The following SETBP1 variants were observed in gnomAD, a reference collection of about 807,000 sequenced individuals.
SETBP1 encodes the protein SET-binding protein.
A neutral mutation model predicts 101.0 loss-of-function variants in SETBP1; 9 were observed. That is an observed-to-expected ratio of 0.09 (90% CI 0.05 to 0.16). SETBP1 has a LOEUF of 0.16. SETBP1 is among the 10% of genes least tolerant of loss of function. The probability of loss-of-function intolerance (pLI) is 1.00; values close to 1 mark genes in which losing one functional copy is unlikely to be tolerated. For missense variants in SETBP1, 1,858 were observed against 2,033.8 expected, an observed-to-expected ratio of 0.91 and a Z score of 1.66; for synonymous variants, 818 against 788.5, an observed-to-expected ratio of 1.04 and a Z score of -0.63.
At chr18:44,973,111 C>G (rs1326816529) in intron 4 of SETBP1, among the ~76,000 whole-genome samples, 4 of 152,118 alleles carry the variant, frequency 2.6e-5, no homozygotes, top group African/African-American at 9.7e-5. Context: ...TGTCAAAGGC[C>G]TTTTCTGCAT....
At chr18:44,868,692 GA>G (rs201884719) in intron 2 of SETBP1, among the ~76,000 whole-genome samples, 1 of 109,346 alleles carries the variant, frequency 9.1e-6, no homozygotes, top group East Asian at 2.7e-4. Flanking sequence ...GAGAGAGAGA[GA>G]GAGAGGACGG....
Position 45,063,666 on chromosome 18 carries a change from T to G in SETBP1, c.4759T>G (p.Ser1587Ala), listed in dbSNP as rs1413109479. The G allele has an allele frequency of 4.4e-6, 7 of 1,607,888 alleles. No homozygotes were observed. The highest frequency in any genetic ancestry group is 5.9e-6 in the Non-Finnish European group (7 of 1,177,720). The change falls in exon 6 of 6, where the codon TCC becomes GCC. Residue 1587 changes from serine to alanine, a missense_variant. Ser to Ala is a moderately conservative substitution (Grantham distance 99, BLOSUM62 1). Around this residue, in one of 12 missense-constraint regions of SETBP1, gnomAD observed 178 missense variants for 189.1 expected, o/e 0.94. Transcript: ENST00000649279. ...GGTGAAAGCCAAAAGGCAGAGGAAGTCCCGAGGGAGTGAGAGCGAGGTCCT... is the reference window on the plus strand; with the variant it reads ...GGTGAAAGCCAAAAGGCAGAGGAAGGCCCGAGGGAGTGAGAGCGAGGTCCT... ...EEVKAKRQRK[S>A]RGSESEVLP
chr18:45,013,878 GT>G lies in SETBP1; in HGVS notation c.4001-24602del, dbSNP rs544419301. ...CACCCACCATGTTTCTTTCTGCTGT[GT>G]TTTTAAATTTACTTTCAGGAAAAGG... On this transcript the variant is annotated intron_variant, in intron 4 of 5. Coordinates refer to ENST00000649279, the MANE Select transcript of SETBP1 (RefSeq NM_015559.3). Among the ~76,000 whole-genome samples, 8 of 152,314 alleles carry G rather than the reference GT, an allele frequency of 5.3e-5. No individual in the cohort carries two copies. The South Asian group carries it at 1.7e-3, about 32-fold the overall frequency.
At chr18:44,744,318 C>A (rs950276414) in intron 2 of SETBP1, among the ~76,000 whole-genome samples, 1 of 152,224 alleles carries the variant, frequency 6.6e-6, no homozygotes, top group Non-Finnish European at 1.5e-5. Context: ...CTCCCCAGCT[C>A]CACCAGGCAA....
intron 4 of SETBP1, among the ~76,000 whole-genome samples, chr18:45,001,918 G>T (rs747455229): frequency 1.1e-4 from 17 of 152,158 alleles, no homozygotes; most frequent in Non-Finnish European, 2.2e-4. Flanking sequence ...TTATCCCACA[G>T]AGTGAGAGGG....
At chr18:45,062,947 A>G (rs1451056170) in intron 5 of SETBP1, 132 bp from the exon 6 acceptor site, 1 of 1,147,062 alleles carries the variant, frequency 8.7e-7, no homozygotes, top group African/African-American at 1.6e-5. Context: ...CATCTTGGGC[A>G]CGGAGACATA....
At chr18:45,048,781 G>C (rs2073663800) in intron 5 of SETBP1, among the ~76,000 whole-genome samples, 1 of 150,706 alleles carries the variant, frequency 6.6e-6, no homozygotes, top group South Asian at 2.1e-4. Context: ...GACCATCCTG[G>C]CTAACAAGGT....
At chr18:44,978,249 G>A (rs922665921) in intron 4 of SETBP1, among the ~76,000 whole-genome samples, 3 of 152,132 alleles carry the variant, frequency 2.0e-5, no homozygotes, top group Non-Finnish European at 4.4e-5. Flanking sequence ...CACAGGCCCC[G>A]ATTTCTAAGA....
At chr18:44,808,729 A>G (rs1033831129) in intron 2 of SETBP1, among the ~76,000 whole-genome samples, 1 of 152,192 alleles carries the variant, frequency 6.6e-6, no homozygotes, top group African/African-American at 2.4e-5. Flanking sequence ...GATCCAGGCT[A>G]ACATGATTCT....
chr18:44,920,849 G>T (rs528959078), intron 3 of SETBP1, among the ~76,000 whole-genome samples: 9 of 152,272 alleles, frequency 5.9e-5, no homozygotes, highest in African/African-American at 1.2e-4. Flanking sequence ...ACTGGCATCG[G>T]CATAGTCACC....
chr18:44,818,249 C>T (rs1186556663), intron 2 of SETBP1, among the ~76,000 whole-genome samples: 1 of 152,082 alleles, frequency 6.6e-6, no homozygotes, highest in East Asian at 1.9e-4. Flanking sequence ...TGTTTTTTCA[C>T]ATGCAGAAAG....
chr18:44,748,472 A>G (rs2070310413), intron 2 of SETBP1, among the ~76,000 whole-genome samples: 1 of 152,230 alleles, frequency 6.6e-6, no homozygotes, highest in African/African-American at 2.4e-5. Flanking sequence ...TATCAGCTTC[A>G]GTCTCACTGC....
At chr18:45,007,668 C>T (rs530690934) in intron 4 of SETBP1, among the ~76,000 whole-genome samples, 113 of 152,280 alleles carry the variant, frequency 7.4e-4, no homozygotes, top group Non-Finnish European at 1.4e-3. Flanking sequence ...TTAATTCGCA[C>T]ATTTAACCTG....
At chr18:44,798,364 A>T (rs2071527292) in intron 2 of SETBP1, among the ~76,000 whole-genome samples, 1 of 151,986 alleles carries the variant, frequency 6.6e-6, no homozygotes, top group African/African-American at 2.4e-5. Context: ...CAGAGAAGGA[A>T]GGTGGCTCCC....
At chr18:45,016,067 C>A (rs1206488129) in intron 4 of SETBP1, among the ~76,000 whole-genome samples, 2 of 152,158 alleles carry the variant, frequency 1.3e-5, no homozygotes, top group African/African-American at 4.8e-5. Flanking sequence ...AGAAAACAAA[C>A]AACAAAAGAA....
At position 44,705,690 on chromosome 18, in the gene SETBP1, A is replaced by AT. The variant is rs1157790879; in HGVS notation, c.486+3859dup. On this transcript the variant is annotated intron_variant, in intron 2 of 5. Coordinates refer to ENST00000649279, the MANE Select transcript of SETBP1 (RefSeq NM_015559.3). ...GTGTGATACGGGTAGCATGACTTAC[A>AT]TATCATAGGCTAGTTCTCTGTGATG... Among the ~76,000 whole-genome samples, 5 of 152,310 alleles carry AT rather than the reference A, an allele frequency of 3.3e-5. No individual in the cohort carries two copies. The East Asian group carries it at 9.7e-4, about 29-fold the overall frequency.
At chr18:44,989,350 G>A (rs1335931223) in intron 4 of SETBP1, 1 of 152,004 alleles carries the variant, frequency 6.6e-6, no homozygotes, top group Non-Finnish European at 1.5e-5. Flanking sequence ...TAGCAAATTA[G>A]GAATAGCTAA....
chr18:44,969,799 T>G (rs891908574), intron 4 of SETBP1, among the ~76,000 whole-genome samples: 6 of 152,206 alleles, frequency 3.9e-5, no homozygotes, highest in African/African-American at 1.4e-4. Flanking sequence ...ACTCTACCGC[T>G]TCTTGCACTG....
intron 3 of SETBP1, among the ~76,000 whole-genome samples, chr18:44,938,136 C>G (rs536604967): frequency 2.0e-5 from 3 of 152,110 alleles, no homozygotes; most frequent in Non-Finnish European, 4.4e-5. Flanking sequence ...GAGCAAGCCA[C>G]GTCCTGGGTC....
Sources: allele counts gnomAD v4.1 joint callset (sites outside exome capture counted in the v4.1 genomes callset), GRCh38; gene constraint gnomAD v4.1.1; regional missense constraint gnomAD v4.1.1; transcripts MANE v1.5; gene names NCBI Gene and HGNC (gene_info 2026-07-23, HGNC 2026-07-21).